Variants in FAM107B observed in about 807,000 individuals in gnomAD.
FAM107B encodes the protein protein FAM107B.
Under a neutral mutation model 31.5 loss-of-function variants are expected in FAM107B, and 21 were observed. The observed-to-expected ratio is 0.67, with a 90% CI of 0.47 to 0.96. The LOEUF is 0.96. FAM107B is among the 40% of genes least tolerant of loss of function. FAM107B has a pLI of 0.00. For synonymous variants in FAM107B, 157 were observed against 141.5 expected (o/e 1.11, Z -0.78); for missense variants, 452 against 377.1 (o/e 1.20, Z -1.64).
At chr10:14,727,512 A>G (rs1856065088) in intron 1 of FAM107B, among the ~76,000 whole-genome samples, 1 of 152,238 alleles carries the variant, frequency 6.6e-6, no homozygotes. Flanking sequence ...ACAGGCTGGA[A>G]GTGACAAGCC....
At chr10:14,587,048 C>A (rs922545196) in intron 2 of FAM107B, among the ~76,000 whole-genome samples, 4 of 152,162 alleles carry the variant, frequency 2.6e-5, no homozygotes, top group Non-Finnish European at 5.9e-5. Context: ...ATCACAACAC[C>A]ACCTTGGGGG....
At chr10:14,707,204 C>T (rs768780895) in intron 1 of FAM107B, among the ~76,000 whole-genome samples, 4 of 152,026 alleles carry the variant, frequency 2.6e-5, no homozygotes, top group South Asian at 2.1e-4. Flanking sequence ...GTAAATTTCA[C>T]GTTATGTGTA....
rs1851384176 is a variant in FAM107B, at chr10:14,573,968, TA to T, written c.470-43454del. 1.1e-4 allele frequency among the ~76,000 whole-genome samples: 10 copies of T among 93,250 alleles called. No homozygotes were observed. In the South Asian group the frequency reaches 3.7e-3, roughly 34 times the overall value. The allele number at this position is 93,250 out of a possible 152,430, so 61.2% of individuals were successfully genotyped here. On this transcript the variant is annotated intron_variant, in intron 2 of 4. Coordinates refer to ENST00000181796, the MANE Select transcript of FAM107B (RefSeq NM_031453.4). ...AGGAGTTTATCTGCTCTTTCTCTCA[TA>T]ATCTACCCTTCCCATGACACAGGGA...
At chr10:14,686,908 T>C (rs1855003558) in intron 1 of FAM107B, among the ~76,000 whole-genome samples, 1 of 152,260 alleles carries the variant, frequency 6.6e-6, no homozygotes, top group South Asian at 2.1e-4. Context: ...TATGCATGAC[T>C]GTTAATGCAA....
intron 2 of FAM107B, among the ~76,000 whole-genome samples, chr10:14,566,021 C>G (rs933828143): frequency 6.6e-6 from 1 of 152,304 alleles, no homozygotes; most frequent in Admixed American, 6.5e-5. Flanking sequence ...CTTCACAGCC[C>G]CCATGCCTGA....
At chr10:14,767,055 T>TATATAGAGAGAG (rs1440609298) in intron 1 of FAM107B, among the ~76,000 whole-genome samples, 9 of 18,276 alleles carry the variant, frequency 4.9e-4, no homozygotes, top group South Asian at 4.1e-3. Context: ...TATATATATA[T>TATATAGAGAGAG]AGAGAGAGAG....
chr10:14,575,211 G>GTA (rs1564581817), intron 2 of FAM107B, among the ~76,000 whole-genome samples: 1 of 149,158 alleles, frequency 6.7e-6, no homozygotes, highest in Non-Finnish European at 1.5e-5. Flanking sequence ...TTGTTTTTTT[G>GTA]TTTTTTTTTT....
chr10:14,593,327 A>G (rs1214297700), intron 2 of FAM107B, among the ~76,000 whole-genome samples: 1 of 152,184 alleles, frequency 6.6e-6, no homozygotes, highest in Non-Finnish European at 1.5e-5. Flanking sequence ...AAGTTTAGGA[A>G]GATGTGACAC....
intron 1 of FAM107B, among the ~76,000 whole-genome samples, chr10:14,746,684 C>T (rs1832732404): frequency 6.6e-6 from 1 of 152,240 alleles, no homozygotes; most frequent in Non-Finnish European, 1.5e-5. Context: ...GATGGGCTTC[C>T]CTTTGTAGGT....
In FAM107B at chr10:14,584,646, C is replaced by G. The variant is rs182731699; in HGVS notation, c.470-54131G>C. 2.7e-3 allele frequency among the ~76,000 whole-genome samples: 414 copies of G among 152,248 alleles called. 1 individual carries two copies. The highest frequency in any genetic ancestry group is 9.4e-3 in the African/African-American group (389 of 41,528). On this transcript the variant is annotated intron_variant, in intron 2 of 4. Transcript: ENST00000181796. ...TTATAAACAGCTCCAAGATACGGAC[C>G]CTGTGAGGCAGGAGAATAGGGGCTG...
chr10:14,520,242 T>C lies in FAM107B; in HGVS notation c.*948A>G, dbSNP rs1845505699. On this transcript the variant is annotated 3_prime_UTR_variant, in exon 5 of 5. Coordinates refer to ENST00000181796, the MANE Select transcript of FAM107B (RefSeq NM_031453.4). ...ACAGCAGTCTACACTTATTTCACAT[T>C]AGAATGCCTAGAGAAATCCTGACTG... 1 of 152,244 alleles carries C rather than the reference T, an allele frequency of 6.6e-6. No individual in the cohort carries two copies. The highest frequency in any genetic ancestry group is 1.5e-5 in the Non-Finnish European group (1 of 68,038). 9.4% of individuals were successfully genotyped at this position (152,244 alleles called of 1,614,324 possible).
chr10:14,725,821 C>T lies in FAM107B; in HGVS notation c.411+48432G>A, dbSNP rs1480483829. Among the ~76,000 whole-genome samples, 7 of 94,294 alleles carry T rather than the reference C, an allele frequency of 7.4e-5. No individual in the cohort carries two copies. The South Asian group carries it at 1.1e-3, about 15-fold the overall frequency. 61.9% of individuals were successfully genotyped at this position (94,294 alleles called of 152,430 possible). A position where few individuals can be genotyped will look rare whatever the true frequency, so the allele number is the denominator to read the frequency against. On this transcript the variant is annotated intron_variant, in intron 1 of 4. Coordinates refer to ENST00000181796, the MANE Select transcript of FAM107B (RefSeq NM_031453.4). ...TCTAGGGAGCAAAAGCAGTCAAATC[C>T]TTTTTTTTTTTTTTTTTTTTTGGAA... is the stretch of plus-strand genomic sequence containing the variant.
chr10:14,528,177 T>TTTG (rs1554825446), intron 3 of FAM107B: 17 of 116,482 alleles, frequency 1.5e-4, no homozygotes, highest in African/African-American at 5.6e-4. Context: ...AGTTTTGGTT[T>TTTG]TTTTTTTTTT....
At chr10:14,742,831 A>T (rs1284422356) in intron 1 of FAM107B, among the ~76,000 whole-genome samples, 1 of 151,576 alleles carries the variant, frequency 6.6e-6, no homozygotes, top group Non-Finnish European at 1.5e-5. Flanking sequence ...TCTTATCTCC[A>T]CTATTTGACT....
At chr10:14,572,666 A>G (rs1376382808) in intron 2 of FAM107B, among the ~76,000 whole-genome samples, 2 of 148,528 alleles carry the variant, frequency 1.3e-5, no homozygotes, top group Non-Finnish European at 3.0e-5. Flanking sequence ...CACTATGATC[A>G]CATCTGTGAA....
intron 1 of FAM107B, among the ~76,000 whole-genome samples, chr10:14,731,611 C>G (rs1277810167): frequency 1.3e-5 from 2 of 152,156 alleles, no homozygotes; most frequent in Non-Finnish European, 2.9e-5. Context: ...TTTTAAATCT[C>G]TCAATGCATG....
intron 2 of FAM107B, among the ~76,000 whole-genome samples, chr10:14,592,187 G>T (rs1041472941): frequency 6.6e-6 from 1 of 152,202 alleles, no homozygotes; most frequent in Non-Finnish European, 1.5e-5. Context: ...AAAGGTCAGG[G>T]CCCAGCACAG....
At chr10:14,712,650 G>A (rs1303238423) in intron 1 of FAM107B, among the ~76,000 whole-genome samples, 2 of 148,764 alleles carry the variant, frequency 1.3e-5, no homozygotes, top group Non-Finnish European at 3.0e-5. Flanking sequence ...TGGGATAAAT[G>A]AATAGAAGCC....
intron 2 of FAM107B, among the ~76,000 whole-genome samples, chr10:14,643,925 C>G (rs1853692067): frequency 6.6e-6 from 1 of 152,144 alleles, no homozygotes; most frequent in Non-Finnish European, 1.5e-5. Flanking sequence ...CTCAAGAACG[C>G]AATTTCAACA....
Sources: allele counts gnomAD v4.1 joint callset (sites outside exome capture counted in the v4.1 genomes callset), GRCh38; gene constraint gnomAD v4.1.1; transcripts MANE v1.5; gene names NCBI Gene and HGNC (gene_info 2026-07-23, HGNC 2026-07-21).